KLF8: variants seen among roughly 807,000 people sequenced by gnomAD.
KLF8 encodes Krueppel-like factor 8.
In KLF8, 10 loss-of-function variants were observed where a neutral mutation model predicts 18.2. The ratio of observed to expected loss-of-function variants is 0.55; its 90% CI spans 0.34 to 0.93. The LOEUF (loss-of-function observed/expected upper bound fraction) is 0.93, where lower values mean the gene tolerates loss of function less well. KLF8 is among the 40% of genes least tolerant of loss of function. KLF8 has a pLI of 0.02. For missense variants in KLF8, 264 were observed against 277.9 expected, an observed-to-expected ratio of 0.95 and a Z score of 0.36; for synonymous variants, 109 against 97.3, an observed-to-expected ratio of 1.12 and a Z score of -0.71.
chrX:55,911,408 G>A, the KLF8 span, among the ~76,000 whole-genome samples: 1 of 112,192 alleles, frequency 8.9e-6, no homozygotes, highest in African/African-American at 3.2e-5. Context: ...AAATTTATTA[G>A]CACTAGAAAA....
the KLF8 span, among the ~76,000 whole-genome samples, chrX:56,060,712 A>G: frequency 1.8e-5 from 2 of 111,902 alleles, no homozygotes; most frequent in Non-Finnish European, 3.8e-5. Context: ...GCCTCATAAA[A>G]TGAGTTAGGG....
chrX:56,216,513 GATTTATTTATTT>G, the KLF8 span, among the ~76,000 whole-genome samples: 76 of 91,086 alleles, frequency 8.3e-4, no homozygotes, highest in African/African-American at 2.0e-3. Flanking sequence ...TCTGGCTGCT[GATTTATTTATTT>G]ATTTATTTAT....
chrX:56,095,885 T>G, the KLF8 span, among the ~76,000 whole-genome samples: 1 of 111,596 alleles, frequency 9.0e-6, no homozygotes, highest in African/African-American at 3.3e-5. Context: ...TGGAAAACAC[T>G]ATGGAGACTT....
At chrX:56,095,753 A>G in the KLF8 span, among the ~76,000 whole-genome samples, 3 of 111,847 alleles carry the variant, frequency 2.7e-5, no homozygotes, top group East Asian at 8.4e-4. Flanking sequence ...GCAATTAGAT[A>G]CCATCTCACA....
chrX:55,963,957 A>G, the KLF8 span, among the ~76,000 whole-genome samples: 4 of 112,279 alleles, frequency 3.6e-5, no homozygotes, highest in Admixed American at 2.8e-4. Context: ...AATAGAAATC[A>G]ATACAAAGAA....
chrX:55,922,436 G>T, the KLF8 span, among the ~76,000 whole-genome samples: 1 of 112,228 alleles, frequency 8.9e-6, no homozygotes, highest in Non-Finnish European at 1.9e-5. Context: ...ACAGGGAGGG[G>T]AACAACACAC....
the KLF8 span, among the ~76,000 whole-genome samples, chrX:56,134,043 T>C: frequency 9.0e-6 from 1 of 111,689 alleles, no homozygotes; most frequent in African/African-American, 3.3e-5. Context: ...ACACATCTCA[T>C]GCTCATGGAT....
chrX:56,158,799 G>C, the KLF8 span, among the ~76,000 whole-genome samples: 9 of 111,635 alleles, frequency 8.1e-5, no homozygotes, highest in South Asian at 1.9e-3. Context: ...GAGACAATGG[G>C]GTTTTCTAGA....
At chrX:55,970,867 A>G in the KLF8 span, among the ~76,000 whole-genome samples, 1 of 111,364 alleles carries the variant, frequency 9.0e-6, no homozygotes, top group African/African-American at 3.3e-5. Flanking sequence ...GAAATGAAAG[A>G]TCTCTATAAT....
chrX:56,190,805 A>T, the KLF8 span, among the ~76,000 whole-genome samples: 1 of 111,632 alleles, frequency 9.0e-6, no homozygotes, highest in Non-Finnish European at 1.9e-5. Context: ...AACCTATGGG[A>T]TACAGCAAAA....
chrX:55,990,874 G>A, the KLF8 span, among the ~76,000 whole-genome samples: 15 of 111,455 alleles, frequency 1.3e-4, no homozygotes, highest in Non-Finnish European at 2.1e-4. Flanking sequence ...TTGTCTCAGA[G>A]GAGTACCCAG....
At chrX:55,910,136 T>C in the KLF8 span, among the ~76,000 whole-genome samples, 1 of 112,093 alleles carries the variant, frequency 8.9e-6, no homozygotes, top group East Asian at 2.8e-4. Context: ...CCCTTCCTAG[T>C]TCTTACTCAG....
At chrX:56,080,288 G>A in the KLF8 span, among the ~76,000 whole-genome samples, 6 of 110,876 alleles carry the variant, frequency 5.4e-5, no homozygotes, top group African/African-American at 9.8e-5. Context: ...GGCTGGTACC[G>A]GTTGTTCCTT....
the KLF8 span, among the ~76,000 whole-genome samples, chrX:56,095,410 T>C: frequency 8.9e-6 from 1 of 112,585 alleles, no homozygotes; most frequent in Non-Finnish European, 1.9e-5. Context: ...CATTGGCCTA[T>C]GCCAAGAATT....
the KLF8 span, among the ~76,000 whole-genome samples, chrX:56,014,687 T>C: frequency 3.9e-4 from 44 of 111,472 alleles, no homozygotes; most frequent in African/African-American, 1.4e-3. Context: ...CATATGTGCA[T>C]TGCAGCACTA....
Position 56,286,999 on chromosome X carries a change from C to T in KLF8, c.*2505C>T, listed in dbSNP as rs1046095626. ...TTTTCAAAATTTGGATCCTGATACT[C>T]CTTTTTCAGAGTTCAGAACTGAACT... On this transcript the variant is annotated 3_prime_UTR_variant, in exon 6 of 6. Coordinates refer to ENST00000468660, the MANE Select transcript of KLF8 (RefSeq NM_007250.5). The T allele has an allele frequency of 2.7e-5, 3 of 111,384 alleles. No individual in the cohort carries two copies. The Admixed American group carries it at 2.9e-4, about 11-fold the overall frequency. 9.2% of individuals were successfully genotyped at this position (111,384 alleles called of 1,213,427 possible).
At chrX:56,076,825 T>A in the KLF8 span, among the ~76,000 whole-genome samples, 1 of 112,056 alleles carries the variant, frequency 8.9e-6, no homozygotes, top group African/African-American at 3.2e-5. Flanking sequence ...TTTTTAATAA[T>A]CACCATTCTA....
At chrX:55,950,293 C>A in the KLF8 span, among the ~76,000 whole-genome samples, 1 of 110,668 alleles carries the variant, frequency 9.0e-6, no homozygotes, top group African/African-American at 3.3e-5. Context: ...TGAGTTAGTC[C>A]TGCAGAGAGC....
chrX:56,192,091 A>G, the KLF8 span, among the ~76,000 whole-genome samples: 1 of 112,198 alleles, frequency 8.9e-6, no homozygotes, highest in East Asian at 2.8e-4. Context: ...AGATTCCACA[A>G]AAACTATAAG....
Sources: allele counts gnomAD v4.1 joint callset (sites outside exome capture counted in the v4.1 genomes callset), GRCh38; gene constraint gnomAD v4.1.1; transcripts MANE v1.5; gene names NCBI Gene and HGNC (gene_info 2026-07-23, HGNC 2026-07-21).